Variants in TSTD2 observed in about 807,000 individuals in gnomAD.
TSTD2 encodes the protein thiosulfate sulfurtransferase/rhodanese-like domain-containing protein 2.
Under a neutral mutation model 47.9 loss-of-function variants are expected in TSTD2, and 37 were observed. The observed-to-expected ratio is 0.77, with a 90% CI of 0.59 to 1.02. The LOEUF (loss-of-function observed/expected upper bound fraction) is 1.02, where lower values mean the gene tolerates loss of function less well. Ranked by LOEUF, TSTD2 falls within the 50% of genes least tolerant of loss-of-function variation. The pLI is 0.00. For synonymous variants in TSTD2, 201 were observed against 215.9 expected (o/e 0.93, Z 0.61); for missense variants, 586 against 616.0 (o/e 0.95, Z 0.52).
chr9:97,614,079 C>T (rs528056544), intron 4 of TSTD2, among the ~76,000 whole-genome samples: 11 of 152,282 alleles, frequency 7.2e-5, no homozygotes, highest in African/African-American at 2.2e-4. Context: ...CTGCCTGCCT[C>T]GGCCTTCCAA....
Position 97,620,687 on chromosome 9 carries a change from A to G in TSTD2, c.483-2810T>C, listed in dbSNP as rs575976462. ...AGGAACTTCTTGGGAACTGGAGCAA[A>G]GGTGACTCTTGTTATGTTTTAGCAA... On this transcript the variant is annotated intron_variant, in intron 3 of 9. Transcript: ENST00000341170. Among the ~76,000 whole-genome samples, 5 of 152,324 alleles carry G rather than the reference A, an allele frequency of 3.3e-5. No individual in the cohort carries two copies. The South Asian group carries it at 6.2e-4, about 19-fold the overall frequency.
rs1255484616 is a variant in TSTD2 at position 97,611,652 on chromosome 9, T to C, written c.651A>G (p.Lys217=). The stretch of plus-strand genomic sequence containing the variant: ...CTTCCACATAAAGTCTGGTAGCCAA[T>C]TTGCTTCCACCAACTGTCCCATTGA... ...EGINGTVGGS[K]LATRLYVEVM... The change falls in exon 5 of 10, where the codon AAA becomes AAG. Residue 217 remains lysine (K), a synonymous_variant. Transcript: ENST00000341170. 1 of 1,611,186 alleles carries C rather than the reference T, an allele frequency of 6.2e-7. No homozygotes were observed. Among genetic ancestry groups the C allele is most frequent in the East Asian group, 2.2e-5 (1 of 44,756 alleles).
At chr9:97,624,905 A>G (rs889214782) in intron 3 of TSTD2, among the ~76,000 whole-genome samples, 1 of 152,188 alleles carries the variant, frequency 6.6e-6, no homozygotes, top group Non-Finnish European at 1.5e-5. Flanking sequence ...ACAGATAATG[A>G]TATCTAGCTT....
Position 97,602,583 on chromosome 9 carries a change from G to C in TSTD2, c.1437C>G (p.Cys479Trp). The change falls in exon 10 of 10, where the codon TGC (cysteine) becomes TGG (tryptophan). Residue 479 changes from cysteine to tryptophan, a missense_variant. Physicochemically the swap from Cys to Trp is radical, Grantham distance 215. Transcript: ENST00000341170. ...TGCGTGGCCGTCGGGCTGTGCACTC[G>C]CATTCCTCTTTAAAGCTGTCTTGCA... ...GPMQDSFKEE[C>W]ECTARRPRIP... The C allele has an allele frequency of 6.2e-7, 1 of 1,614,152 alleles. No homozygotes were observed. The highest frequency in any genetic ancestry group is 1.3e-5 in the African/African-American group (1 of 75,044).
At chr9:97,622,103 T>C (rs951150284) in intron 3 of TSTD2, among the ~76,000 whole-genome samples, 10 of 152,144 alleles carry the variant, frequency 6.6e-5, no homozygotes, top group South Asian at 4.1e-4. Context: ...CGTTGACATA[T>C]TGGGGGCTGG....
At chr9:97,607,147 T>C (rs751892406) in intron 6 of TSTD2, among the ~76,000 whole-genome samples, 12 of 151,990 alleles carry the variant, frequency 7.9e-5, no homozygotes, top group African/African-American at 1.2e-4. Context: ...GCCTGGGCAA[T>C]AGAGCAAGAC....
chr9:97,610,160 G>A (rs965038445), intron 6 of TSTD2, 186 bp downstream of exon 6: 6 of 455,374 alleles, frequency 1.3e-5, no homozygotes. Flanking sequence ...TCGAAGAGGT[G>A]AGTCTTCAAC....
rs1181039859 is a variant in TSTD2, at chr9:97,601,276, GAACCT to G, written c.*1188_*1192del. On this transcript the variant is annotated 3_prime_UTR_variant, in exon 10 of 10. Transcript: ENST00000341170. The stretch of plus-strand genomic sequence containing the variant: ...TGCATGGCTGCGTATGTGTTTCTTG[GAACCT>G]GTGTGACAGGGACATGTGCCTGGCA... The G allele has an allele frequency of 8.4e-6, 10 of 1,196,836 alleles. No individual in the cohort carries two copies. The highest frequency in any genetic ancestry group is 1.1e-5 in the Non-Finnish European group (10 of 935,672). 74.1% of individuals were successfully genotyped at this position (1,196,836 alleles called of 1,614,324 possible). A position where few individuals can be genotyped will look rare whatever the true frequency, so the allele number is the denominator to read the frequency against.
At position 97,611,250 on chromosome 9, in the gene TSTD2, A is replaced by C. The variant is rs192387931; in HGVS notation, c.729+324T>G. 245 of 192,344 alleles carry C rather than the reference A, an allele frequency of 1.3e-3. 1 individual carries two copies. The highest frequency in any genetic ancestry group is 0.01 in the Middle Eastern group (4 of 384). The allele number at this position is 192,344 out of a possible 1,614,324, so 11.9% of individuals were successfully genotyped here. A position where few individuals can be genotyped will look rare whatever the true frequency, so the allele number is the denominator to read the frequency against. ...CAAGAGTTCCATACCAGCCTGGGCAACATAGTGAGACCCCGTCTCTACAAA... is the reference window on the plus strand; with the variant it reads ...CAAGAGTTCCATACCAGCCTGGGCACCATAGTGAGACCCCGTCTCTACAAA... On this transcript the variant is annotated intron_variant, in intron 5 of 9. Transcript: ENST00000341170.
Position 97,602,435 on chromosome 9 carries a change from T to C in TSTD2, c.*34A>G. The C allele has an allele frequency of 6.4e-7, 1 of 1,550,744 alleles. No individual in the cohort carries two copies. The highest frequency in any genetic ancestry group is 8.7e-7 in the Non-Finnish European group (1 of 1,146,354). On this transcript the variant is annotated 3_prime_UTR_variant, in exon 10 of 10. Coordinates refer to ENST00000341170, the MANE Select transcript of TSTD2 (RefSeq NM_139246.5). The stretch of plus-strand genomic sequence containing the variant: ...TGTATAGTCACCCCAAACCTACTTT[T>C]ACCGAGGGCCTGGGAAAATGCCAAA...
chr9:97,625,767 G>T lies in TSTD2; in HGVS notation c.396C>A (p.Asn132Lys), dbSNP rs750145430. ...SKSLSSADEK[N>K]PLKECLPHSH... is the part of the protein sequence containing the mutation. ...TATGTGGAAGGCACTCTTTTAAAGG[G>T]TTCTTTTCATCTGCAGACGAAAGAC... The change falls in exon 3 of 10, where the codon AAC becomes AAA. Residue 132 changes from asparagine to lysine, a missense_variant. Transcript: ENST00000341170. 2 of 1,614,136 alleles carry T rather than the reference G, an allele frequency of 1.2e-6. No homozygotes were observed. The highest frequency in any genetic ancestry group is 1.7e-6 in the Non-Finnish European group (2 of 1,179,980).
intron 9 of TSTD2, among the ~76,000 whole-genome samples, chr9:97,603,387 C>T (rs1308603027): frequency 6.6e-6 from 1 of 152,196 alleles, no homozygotes; most frequent in Admixed American, 6.5e-5. Context: ...TCTGAGCCTT[C>T]CCTCTCTCCT....
At position 97,602,316 on chromosome 9, in the gene TSTD2, C is replaced by T. The variant is rs2131302932; in HGVS notation, c.*153G>A. On this transcript the variant is annotated 3_prime_UTR_variant, in exon 10 of 10. Transcript: ENST00000341170. ...AGTGGTAGACAACGTGACTCCTCCC[C>T]TCCCGCTGTGAAGTGTAGACGGCTG... 1.2e-6 allele frequency: 1 copy of T among 867,812 alleles called. No homozygotes were observed. The highest frequency in any genetic ancestry group is 2.7e-5 in the East Asian group (1 of 36,906). The allele number at this position is 867,812 out of a possible 1,614,324, so 53.8% of individuals were successfully genotyped here.
At chr9:97,631,843 C>CAAA (rs57184912) in intron 1 of TSTD2, among the ~76,000 whole-genome samples, 57 of 147,046 alleles carry the variant, frequency 3.9e-4, no homozygotes, top group African/African-American at 1.3e-3. Flanking sequence ...GACCCTGTCT[C>CAAA]AAAAAAAAAA....
chr9:97,629,697 C>A (rs1826778960), intron 1 of TSTD2, among the ~76,000 whole-genome samples: 1 of 152,230 alleles, frequency 6.6e-6, no homozygotes, highest in African/African-American at 2.4e-5. Flanking sequence ...ATTCAACACA[C>A]TTCCTCCATG....
intron 4 of TSTD2, among the ~76,000 whole-genome samples, chr9:97,613,781 T>C (rs911384980): frequency 1.3e-5 from 2 of 152,086 alleles, no homozygotes; most frequent in African/African-American, 2.4e-5. Context: ...TGTCCTTTTT[T>C]AGGGTCCAGA....
chr9:97,602,345 C>T lies in TSTD2; in HGVS notation c.*124G>A, dbSNP rs893087338. 43 of 1,193,588 alleles carry T rather than the reference C, an allele frequency of 3.6e-5. No individual in the cohort carries two copies. Among genetic ancestry groups the T allele is most frequent in the Admixed American group, 5.9e-5 (2 of 33,874 alleles). The allele number at this position is 1,193,588 out of a possible 1,614,324, so 73.9% of individuals were successfully genotyped here. A position where few individuals can be genotyped will look rare whatever the true frequency, so the allele number is the denominator to read the frequency against. On this transcript the variant is annotated 3_prime_UTR_variant, in exon 10 of 10. Transcript: ENST00000341170. ...CGCTGTGAAGTGTAGACGGCTGCCACGGTGGCAGCGGCCAGAACTGAAGTT... is the reference window on the plus strand; with the variant it reads ...CGCTGTGAAGTGTAGACGGCTGCCATGGTGGCAGCGGCCAGAACTGAAGTT...
At chr9:97,623,972 C>G (rs536163044) in intron 3 of TSTD2, among the ~76,000 whole-genome samples, 22 of 152,258 alleles carry the variant, frequency 1.4e-4, no homozygotes, top group African/African-American at 4.6e-4. Flanking sequence ...ACTTAGGCCT[C>G]TAGAATTCTG....
chr9:97,606,137 A>T lies in TSTD2; in HGVS notation c.954+6T>A. 6.4e-7 allele frequency: 1 copy of T among 1,568,652 alleles called. No homozygotes were observed. Among genetic ancestry groups the T allele is most frequent in the Non-Finnish European group, 8.8e-7 (1 of 1,140,150 alleles). ...TTCAGAGAACTCAGTTCTGGCTTTTACTTACTATTTTGCTTTCATAGAAGT... is the reference window on the plus strand; with the variant it reads ...TTCAGAGAACTCAGTTCTGGCTTTTTCTTACTATTTTGCTTTCATAGAAGT... On this transcript the variant is annotated splice_donor_region_variant and intron_variant, in intron 7 of 9. Coordinates refer to ENST00000341170, the MANE Select transcript of TSTD2 (RefSeq NM_139246.5).
Sources: allele counts gnomAD v4.1 joint callset (sites outside exome capture counted in the v4.1 genomes callset), GRCh38; gene constraint gnomAD v4.1.1; transcripts MANE v1.5; gene names NCBI Gene and HGNC (gene_info 2026-07-23, HGNC 2026-07-21).